SPRY3: variants seen among roughly 807,000 people sequenced by gnomAD.
SPRY3 encodes the protein protein sprouty homolog 3.
A neutral mutation model predicts 20.2 loss-of-function variants in SPRY3; 15 were observed. The observed-to-expected ratio is 0.74, with a 90% CI of 0.50 to 1.14. SPRY3 has a LOEUF of 1.14. SPRY3 is among the 50% of genes most tolerant of loss of function. SPRY3 has a pLI of 0.00. For synonymous variants in SPRY3, 143 were observed against 136.5 expected, an observed-to-expected ratio of 1.05 and a Z score of -0.33; for missense variants, 364 against 363.9, an observed-to-expected ratio of 1.00 and a Z score of 0.00.
At position 155,689,121 on chromosome X, in the gene SPRY3, G is replaced by A. The variant is rs1455304424; in HGVS notation, c.-282+32096G>A. ...AAGCTCTTTAGAATAATTAGATCCC[G>A]TATGACAATTTTTGCTTTTGTTGCA... On this transcript the variant is annotated intron_variant, in intron 2 of 3. Coordinates refer to ENST00000675360, the Ensembl canonical transcript of SPRY3. Among the ~76,000 whole-genome samples the A allele has an allele frequency of 4.6e-5, 4 of 87,362 alleles. 1 individual carries two copies. The highest frequency in any genetic ancestry group is 2.5e-4 in the Admixed American group (2 of 8,095). 75.9% of individuals were successfully genotyped at this position (87,362 alleles called of 115,157 possible). A position where few individuals can be genotyped will look rare whatever the true frequency, so the allele number is the denominator to read the frequency against.
chrX:155,743,412 G>T (rs936819530), intron 2 of SPRY3, among the ~76,000 whole-genome samples: 60 of 152,168 alleles, frequency 3.9e-4, no homozygotes, highest in South Asian at 1.0e-3. Flanking sequence ...AAATGATGCT[G>T]AATAAGGGCC....
chrX:155,686,215 A>AG, intron 2 of SPRY3, among the ~76,000 whole-genome samples: 3 of 111,162 alleles, frequency 2.7e-5, no homozygotes, highest in African/African-American at 9.8e-5. Flanking sequence ...GATAATTTTC[A>AG]TAATACTTTC....
At chrX:155,687,867 CA>C (rs1458224774) in intron 2 of SPRY3, among the ~76,000 whole-genome samples, 7 of 112,566 alleles carry the variant, frequency 6.2e-5, no homozygotes, top group Non-Finnish European at 1.3e-4. Context: ...GAGCTTTATC[CA>C]AAGCATGGAA....
At chrX:155,696,169 G>C (rs1334937197) in intron 2 of SPRY3, among the ~76,000 whole-genome samples, 1 of 107,797 alleles carries the variant, frequency 9.3e-6, no homozygotes, top group African/African-American at 3.4e-5. Context: ...TCCTTCTTTT[G>C]TTTATACTTC....
At chrX:155,684,120 G>C (rs1436341029) in intron 2 of SPRY3, among the ~76,000 whole-genome samples, 4 of 110,926 alleles carry the variant, frequency 3.6e-5, no homozygotes, top group Admixed American at 9.6e-5. Context: ...GACTGAGAGA[G>C]AGTGAGAAGT....
At chrX:155,659,311 A>G (rs2068002994) in intron 2 of SPRY3, among the ~76,000 whole-genome samples, 1 of 109,023 alleles carries the variant, frequency 9.2e-6, no homozygotes, top group African/African-American at 3.3e-5. Flanking sequence ...CGCCTGGCTA[A>G]TTTTTTGTAT....
intron 2 of SPRY3, among the ~76,000 whole-genome samples, chrX:155,706,997 G>A (rs1448724261): frequency 1.3e-5 from 2 of 150,624 alleles, no homozygotes; most frequent in African/African-American, 4.8e-5. Flanking sequence ...TCATTGATTT[G>A]TGCTCTGATT....
At chrX:155,626,230 A>G (rs781899896) in intron 1 of SPRY3, among the ~76,000 whole-genome samples, 4 of 111,484 alleles carry the variant, frequency 3.6e-5, no homozygotes, top group Non-Finnish European at 7.6e-5. Flanking sequence ...CCTTATTATT[A>G]TTGTAACTAT....
At chrX:155,770,983 G>T (rs1195888711) in intron 3 of SPRY3, among the ~76,000 whole-genome samples, 1 of 152,058 alleles carries the variant, frequency 6.6e-6, no homozygotes, top group Non-Finnish European at 1.5e-5. Flanking sequence ...TCCACTTACT[G>T]CAGGTCTCCC....
intron 2 of SPRY3, among the ~76,000 whole-genome samples, chrX:155,668,569 G>T (rs1473094782): frequency 9.1e-6 from 1 of 110,320 alleles, no homozygotes; most frequent in Non-Finnish European, 1.9e-5. Context: ...GCACTTTTAT[G>T]TACTTATATC....
chrX:155,635,015 C>A (rs903874231), intron 1 of SPRY3, among the ~76,000 whole-genome samples: 1 of 109,710 alleles, frequency 9.1e-6, no homozygotes, highest in Admixed American at 9.8e-5. Context: ...TTAGGTATTT[C>A]TCCTAATGCT....
At chrX:155,707,173 T>G (rs1317506360) in intron 2 of SPRY3, among the ~76,000 whole-genome samples, 1 of 151,208 alleles carries the variant, frequency 6.6e-6, no homozygotes. Flanking sequence ...ATACCATAAA[T>G]TTCGATACGT....
chrX:155,767,274 C>A (rs1247606945), intron 2 of SPRY3, among the ~76,000 whole-genome samples: 2 of 151,842 alleles, frequency 1.3e-5, no homozygotes, highest in Admixed American at 6.6e-5. Context: ...TAAATCCCTT[C>A]TTTCCCATCC....
chrX:155,633,717 G>T (rs1435799952), intron 1 of SPRY3, among the ~76,000 whole-genome samples: 2 of 111,759 alleles, frequency 1.8e-5, no homozygotes, highest in Non-Finnish European at 3.8e-5. Context: ...AAGTAAATCA[G>T]ATTACCCACC....
chrX:155,668,289 G>T (rs1292729674), intron 2 of SPRY3, among the ~76,000 whole-genome samples: 1 of 111,030 alleles, frequency 9.0e-6, no homozygotes, highest in Non-Finnish European at 1.9e-5. Context: ...ACATTACACT[G>T]AGTGAAAAAG....
chrX:155,756,739 C>T (rs188145898), intron 2 of SPRY3, among the ~76,000 whole-genome samples: 1 of 151,978 alleles, frequency 6.6e-6, no homozygotes, highest in African/African-American at 2.4e-5. Flanking sequence ...GGTACAATGC[C>T]ATCTACTGCT....
chrX:155,625,255 A>G (rs139040946), intron 1 of SPRY3, among the ~76,000 whole-genome samples: 74 of 111,609 alleles, frequency 6.6e-4, no homozygotes, highest in African/African-American at 2.3e-3. Context: ...AGAATGATAC[A>G]CTGATCCCCA....
chrX:155,732,385 T>C (rs2091138934), intron 2 of SPRY3, among the ~76,000 whole-genome samples: 1 of 151,918 alleles, frequency 6.6e-6, no homozygotes. Flanking sequence ...GAGATACAAA[T>C]GGCAGTCATA....
At chrX:155,747,758 A>C (rs747873646) in intron 2 of SPRY3, among the ~76,000 whole-genome samples, 1 of 152,112 alleles carries the variant, frequency 6.6e-6, no homozygotes, top group African/African-American at 2.4e-5. Context: ...TAATACAAGA[A>C]GGGAAACTAT....
Sources: gnomAD v4.1 joint callset for allele counts (sites outside exome capture counted in the v4.1 genomes callset) on GRCh38, gnomAD v4.1.1 for gene constraint, MANE v1.5 for transcripts, NCBI Gene and HGNC (gene_info 2026-07-23, HGNC 2026-07-21) for gene names.